Variants in SLC9A9 observed in about 807,000 individuals in gnomAD.
SLC9A9 encodes sodium/hydrogen exchanger 9.
Under a neutral mutation model 77.8 loss-of-function variants are expected in SLC9A9, and 62 were observed. The ratio of observed to expected loss-of-function variants is 0.80; its 90% CI spans 0.65 to 0.98. SLC9A9 has a LOEUF of 0.98. Ranked by LOEUF, SLC9A9 falls within the 50% of genes least tolerant of loss-of-function variation. The pLI, the probability that SLC9A9 is intolerant of heterozygous loss-of-function variation, is 0.00. For missense variants in SLC9A9, 775 were observed against 774.9 expected, an observed-to-expected ratio of 1.00 and a Z score of 0.00; for synonymous variants, 320 against 283.5, an observed-to-expected ratio of 1.13 and a Z score of -1.29.
chr3:143,661,925 T>TGCCTGGCACTGGGAATGG (rs58863392), intron 5 of SLC9A9, among the ~76,000 whole-genome samples: 3 of 152,046 alleles, frequency 2.0e-5, no homozygotes, highest in Admixed American at 2.0e-4. Context: ...ACCTGCTGTG[T>TGCCTGGCACTGGGAATGG]ATGTCTTACA....
intron 5 of SLC9A9, among the ~76,000 whole-genome samples, chr3:143,690,933 C>A (rs1227646008): frequency 6.6e-6 from 1 of 152,082 alleles, no homozygotes; most frequent in East Asian, 1.9e-4. Flanking sequence ...TAGTTTGTAA[C>A]CCCTAATAAA....
At chr3:143,586,244 T>C (rs992450235) in intron 6 of SLC9A9, among the ~76,000 whole-genome samples, 1 of 152,246 alleles carries the variant, frequency 6.6e-6, no homozygotes, top group African/African-American at 2.4e-5. Context: ...CTTGCTGCTC[T>C]TTTTAGTATG....
intron 6 of SLC9A9, among the ~76,000 whole-genome samples, chr3:143,630,459 G>A (rs2038403401): frequency 6.6e-6 from 1 of 152,208 alleles, no homozygotes; most frequent in African/African-American, 2.4e-5. Context: ...TTGGGGTGAA[G>A]AAGTGATTCT....
chr3:143,511,654 A>G (rs534371217), intron 9 of SLC9A9, among the ~76,000 whole-genome samples: 226 of 152,336 alleles, frequency 1.5e-3, no homozygotes, highest in Admixed American at 3.9e-3. Flanking sequence ...TACTCCAGCA[A>G]TACTGGAGGA....
At chr3:143,444,965 G>A (rs1430123156) in intron 12 of SLC9A9, among the ~76,000 whole-genome samples, 2 of 152,130 alleles carry the variant, frequency 1.3e-5, no homozygotes, top group Admixed American at 1.3e-4. Flanking sequence ...TATGGACTGT[G>A]TGTCCATCCA....
At chr3:143,522,897 A>G (rs2036336634) in intron 9 of SLC9A9, among the ~76,000 whole-genome samples, 1 of 152,204 alleles carries the variant, frequency 6.6e-6, no homozygotes, top group Admixed American at 6.5e-5. Context: ...GAGAAAGGTT[A>G]ATAGAAAGAA....
intron 5 of SLC9A9, among the ~76,000 whole-genome samples, chr3:143,674,607 GACAA>G (rs1055357805): frequency 6.6e-6 from 1 of 152,070 alleles, no homozygotes; most frequent in African/African-American, 2.4e-5. Context: ...GGGCAAGGGA[GACAA>G]ACAAGAGACA....
intron 14 of SLC9A9, among the ~76,000 whole-genome samples, chr3:143,312,290 A>C (rs973437849): frequency 6.6e-6 from 1 of 152,274 alleles, no homozygotes; most frequent in Non-Finnish European, 1.5e-5. Context: ...AGTGGTTTTT[A>C]AATGGTTGAC....
intron 14 of SLC9A9, among the ~76,000 whole-genome samples, chr3:143,308,533 A>C (rs899312897): frequency 1.3e-5 from 2 of 151,518 alleles, no homozygotes; most frequent in Admixed American, 6.6e-5. Flanking sequence ...CCGAGATCGC[A>C]CCACTGCACT....
At chr3:143,662,158 G>C (rs1171508552) in intron 5 of SLC9A9, among the ~76,000 whole-genome samples, 1 of 152,176 alleles carries the variant, frequency 6.6e-6, no homozygotes, top group Non-Finnish European at 1.5e-5. Flanking sequence ...GGCAAGGAGA[G>C]AAAAAGAAAC....
intron 12 of SLC9A9, among the ~76,000 whole-genome samples, chr3:143,428,842 CT>C (rs1423227594): frequency 2.0e-5 from 3 of 152,180 alleles, no homozygotes; most frequent in African/African-American, 4.8e-5. Flanking sequence ...TGTGATCTCA[CT>C]CATGTGGAGT....
rs112618807 is a variant in SLC9A9 at position 143,557,416 on chromosome 3, G to T, written c.1001-4966C>A. ...TTTTATAAGGATATCCAGAAATGTC[G>T]ATGCAACTTTGGAACTGGGTAACAG... On this transcript the variant is annotated intron_variant, in intron 8 of 15. Coordinates refer to ENST00000316549, the MANE Select transcript of SLC9A9 (RefSeq NM_173653.4). 4.7e-4 allele frequency among the ~76,000 whole-genome samples: 71 copies of T among 152,244 alleles called. 1 individual carries two copies. The South Asian group carries it at 0.014, about 29-fold the overall frequency.
At chr3:143,746,880 G>A (rs750096650) in intron 4 of SLC9A9, among the ~76,000 whole-genome samples, 26 of 152,168 alleles carry the variant, frequency 1.7e-4, no homozygotes, top group Non-Finnish European at 3.4e-4. Flanking sequence ...ATCACTGATG[G>A]TATTCTTTAT....
At chr3:143,597,370 G>A (rs1369038312) in intron 6 of SLC9A9, among the ~76,000 whole-genome samples, 1 of 152,202 alleles carries the variant, frequency 6.6e-6, no homozygotes, top group African/African-American at 2.4e-5. Flanking sequence ...TGTCCTTCTT[G>A]CAGACAGACA....
At chr3:143,330,417 C>T (rs113414224) in intron 14 of SLC9A9, among the ~76,000 whole-genome samples, 114 of 152,206 alleles carry the variant, frequency 7.5e-4, no homozygotes, top group Middle Eastern at 3.4e-3. Context: ...TTAAGTAATC[C>T]GATCTGAATT....
intron 7 of SLC9A9, among the ~76,000 whole-genome samples, chr3:143,574,899 C>T (rs1397470092): frequency 2.0e-5 from 3 of 151,990 alleles, no homozygotes; most frequent in Admixed American, 6.6e-5. Context: ...AGTACGTGAT[C>T]GATGGGAAAG....
At chr3:143,686,171 C>T (rs61531318) in intron 5 of SLC9A9, among the ~76,000 whole-genome samples, 66 of 152,274 alleles carry the variant, frequency 4.3e-4, no homozygotes, top group African/African-American at 1.5e-3. Flanking sequence ...ACACTCCACA[C>T]TTTGCCCTAG....
At chr3:143,366,577 C>A (rs2032907994) in intron 13 of SLC9A9, among the ~76,000 whole-genome samples, 2 of 152,168 alleles carry the variant, frequency 1.3e-5, no homozygotes, top group Non-Finnish European at 2.9e-5. Context: ...CTCTTAGGTC[C>A]TAATCATATG....
At chr3:143,384,824 C>T (rs1041349120) in intron 12 of SLC9A9, among the ~76,000 whole-genome samples, 7 of 126,204 alleles carry the variant, frequency 5.5e-5, no homozygotes, top group African/African-American at 1.4e-4. Context: ...AGGGTGAACA[C>T]GGTCCTTGCC....
Sources: allele counts gnomAD v4.1 joint callset (sites outside exome capture counted in the v4.1 genomes callset), GRCh38; gene constraint gnomAD v4.1.1; transcripts MANE v1.5; gene names NCBI Gene and HGNC (gene_info 2026-07-23, HGNC 2026-07-21).